Variants in ACCSL observed in about 807,000 individuals in gnomAD.
The protein encoded by ACCSL is 1-aminocyclopropane-1-carboxylate synthase homolog (inactive) like.
ACCSL carries 55 observed loss-of-function variants against 61.7 expected under a neutral mutation model. The ratio of observed to expected loss-of-function variants is 0.89; its 90% CI spans 0.72 to 1.12. The LOEUF (loss-of-function observed/expected upper bound fraction) is 1.12, where lower values mean the gene tolerates loss of function less well. Among genes scored for constraint, ACCSL ranks in the 50% most tolerant of loss-of-function variants. ACCSL has a pLI of 0.00. For synonymous variants in ACCSL, 258 were observed against 264.3 expected (o/e 0.98, Z 0.23); for missense variants, 632 against 698.0 (o/e 0.91, Z 1.07).
At chr11:44,005,058 C>T in the ACCSL span, among the ~76,000 whole-genome samples, 2 of 148,686 alleles carry the variant, frequency 1.3e-5, no homozygotes, top group Non-Finnish European at 3.0e-5. Flanking sequence ...GGCCCACCCA[C>T]CCCTTCTCCC....
Position 44,051,454 on chromosome 11 carries a change from T to A in ACCSL, c.705+50T>A, listed in dbSNP as rs777968214. 3 of 1,606,038 alleles carry A rather than the reference T, an allele frequency of 1.9e-6. No individual in the cohort carries two copies. In the Admixed American group the frequency reaches 5.0e-5, roughly 27 times the overall value. ...GCCACCCTGGTGGAGGGCTATATTC[T>A]TGGAGGATGCTCTGCCCTTTCTAGG... On this transcript the variant is annotated intron_variant, in intron 4 of 13. Coordinates refer to ENST00000378832, the MANE Select transcript of ACCSL (RefSeq NM_001031854.2).
chr11:44,052,464 G>C (rs532854092), intron 5 of ACCSL, among the ~76,000 whole-genome samples, 198 bp from the exon 6 acceptor site: 157 of 152,320 alleles, frequency 1.0e-3, no homozygotes, highest in Non-Finnish European at 6.3e-4. Flanking sequence ...GAAGAAACTA[G>C]AGTTTTGTTT....
the ACCSL span, among the ~76,000 whole-genome samples, chr11:43,932,135 C>T: frequency 2.0e-5 from 3 of 152,224 alleles, no homozygotes; most frequent in South Asian, 6.2e-4. Context: ...AATTCACCCT[C>T]CTGTGTGGCC....
At chr11:43,972,517 T>G in the ACCSL span, among the ~76,000 whole-genome samples, 1 of 152,148 alleles carries the variant, frequency 6.6e-6, no homozygotes, top group African/African-American at 2.4e-5. Context: ...TCAGAACTCA[T>G]CTAAAAATGA....
At chr11:44,025,190 C>T in the ACCSL span, among the ~76,000 whole-genome samples, 27 of 152,226 alleles carry the variant, frequency 1.8e-4, no homozygotes, top group African/African-American at 6.0e-4. Flanking sequence ...AGGGTTTACA[C>T]TTGCCATTTT....
At chr11:44,024,146 T>C in the ACCSL span, among the ~76,000 whole-genome samples, 1 of 152,218 alleles carries the variant, frequency 6.6e-6, no homozygotes, top group Non-Finnish European at 1.5e-5. Context: ...AGTCTACTGA[T>C]GGTCTGAATA....
intron 8 of ACCSL, among the ~76,000 whole-genome samples, chr11:44,054,520 G>A (rs1393187425): frequency 6.6e-6 from 1 of 151,546 alleles, no homozygotes; most frequent in Non-Finnish European, 1.5e-5. Flanking sequence ...GCAGTGGTGG[G>A]ATCTCAGCTC....
At chr11:43,948,509 T>C in the ACCSL span, among the ~76,000 whole-genome samples, 1 of 152,188 alleles carries the variant, frequency 6.6e-6, no homozygotes, top group Non-Finnish European at 1.5e-5. Flanking sequence ...AATCTCCCTC[T>C]GTCACCCAGG....
At chr11:43,967,167 C>CTTTTTCTT in the ACCSL span, among the ~76,000 whole-genome samples, 1 of 62,694 alleles carries the variant, frequency 1.6e-5, no homozygotes. Context: ...TCTTCTTCTT[C>CTTTTTCTT]TTTTTTTTTT....
the ACCSL span, among the ~76,000 whole-genome samples, chr11:43,999,315 T>C: frequency 6.6e-6 from 1 of 152,156 alleles, no homozygotes; most frequent in South Asian, 2.1e-4. Context: ...ATGACACACC[T>C]CTCAACCTCT....
the ACCSL span, among the ~76,000 whole-genome samples, chr11:43,956,855 T>C: frequency 3.1e-5 from 4 of 128,064 alleles, no homozygotes; most frequent in African/African-American, 1.0e-4. Context: ...TCTGTGGCTG[T>C]TTTTTTCCCA....
chr11:44,027,332 G>A, the ACCSL span, among the ~76,000 whole-genome samples: 1 of 152,184 alleles, frequency 6.6e-6, no homozygotes, highest in African/African-American at 2.4e-5. Context: ...CATGCATGTG[G>A]ACTTCTAGAT....
the ACCSL span, among the ~76,000 whole-genome samples, chr11:44,034,956 C>T: frequency 6.6e-6 from 1 of 152,216 alleles, no homozygotes; most frequent in African/African-American, 2.4e-5. Context: ...GCTAAAGTGG[C>T]TATCCAGGTT....
chr11:44,029,116 C>T, the ACCSL span, among the ~76,000 whole-genome samples: 1 of 152,252 alleles, frequency 6.6e-6, no homozygotes, highest in African/African-American at 2.4e-5. Flanking sequence ...ATCTTTTCCA[C>T]ACTGTAATCA....
At chr11:44,045,670 G>A (rs1248310558), upstream of ACCSL, among the ~76,000 whole-genome samples, 2 of 152,138 alleles carry the variant, frequency 1.3e-5, no homozygotes, top group Admixed American at 1.3e-4. Context: ...GGAGTCCCCG[G>A]CTGAGTGCTT....
chr11:44,054,447 C>CTTTT (rs67313576), intron 8 of ACCSL, among the ~76,000 whole-genome samples: 2 of 138,418 alleles, frequency 1.4e-5, no homozygotes, highest in Non-Finnish European at 1.6e-5. Flanking sequence ...TTCTTTCTTT[C>CTTTT]TTTTTTTTTT....
chr11:44,002,693 T>C, the ACCSL span, among the ~76,000 whole-genome samples: 1 of 152,186 alleles, frequency 6.6e-6, no homozygotes, highest in African/African-American at 2.4e-5. Flanking sequence ...ATCTGCCTTC[T>C]GTGGGTCTGA....
At chr11:43,943,380 C>G in the ACCSL span, 1 of 1,399,680 alleles carries the variant, frequency 7.1e-7, no homozygotes, top group Non-Finnish European at 9.3e-7. This position sits in a 1 kb window ranked among gnomAD's most constrained non-coding sequence, Gnocchi z 4.8. Context: ...CGCAAGGACC[C>G]GGGACCGCCG....
the ACCSL span, among the ~76,000 whole-genome samples, chr11:44,039,258 T>A: frequency 6.6e-6 from 1 of 152,152 alleles, no homozygotes; most frequent in Non-Finnish European, 1.5e-5. Flanking sequence ...GCACTGTCTT[T>A]CCAAGAGTCT....
Sources: gnomAD v4.1 joint callset for allele counts (sites outside exome capture counted in the v4.1 genomes callset) on GRCh38, gnomAD v4.1.1 for gene constraint, Gnocchi (gnomAD v3.1) non-coding constraint, MANE v1.5 for transcripts, NCBI Gene and HGNC (gene_info 2026-07-23, HGNC 2026-07-21) for gene names.